Variants in MSRB3 observed in about 807,000 individuals in gnomAD.
MSRB3 encodes the protein methionine-R-sulfoxide reductase B3.
In MSRB3, 13 loss-of-function variants were observed where a neutral mutation model predicts 21.0. The ratio of observed to expected loss-of-function variants is 0.62; its 90% confidence interval spans 0.40 to 0.98. The LOEUF (loss-of-function observed/expected upper bound fraction) is 0.98. Among genes scored for constraint, MSRB3 ranks in the 50% least tolerant of loss-of-function variants. The pLI, the probability that MSRB3 is intolerant of heterozygous loss-of-function variation, is 0.00. For synonymous variants in MSRB3, 87 were observed against 88.6 expected (o/e 0.98, Z 0.10); for missense variants, 199 against 230.3 (o/e 0.86, Z 0.88).
chr12:65,360,760 C>A (rs1309984401), intron 4 of MSRB3, among the ~76,000 whole-genome samples: 1 of 152,066 alleles, frequency 6.6e-6, no homozygotes, highest in African/African-American at 2.4e-5. Context: ...ATGATTTGTC[C>A]AGGTTTCTGA....
chr12:65,300,791 T>G (rs1481245241), intron 1 of MSRB3, among the ~76,000 whole-genome samples: 1 of 152,212 alleles, frequency 6.6e-6, no homozygotes, highest in Non-Finnish European at 1.5e-5. Flanking sequence ...AGCCACCATC[T>G]AATTATAGAA....
chr12:65,421,094 G>A (rs573453586), intron 5 of MSRB3, among the ~76,000 whole-genome samples: 1 of 152,248 alleles, frequency 6.6e-6, no homozygotes, highest in South Asian at 2.1e-4. Context: ...CAGTGTATAA[G>A]CATTCCTTTT....
intron 5 of MSRB3, among the ~76,000 whole-genome samples, chr12:65,416,676 C>T (rs756110591): frequency 3.3e-5 from 5 of 152,150 alleles, no homozygotes; most frequent in East Asian, 1.9e-4. Context: ...TGCACTAAGA[C>T]GTTACAATGG....
intron 1 of MSRB3, among the ~76,000 whole-genome samples, chr12:65,294,416 A>C (rs1872833262): frequency 6.6e-6 from 1 of 152,196 alleles, no homozygotes; most frequent in African/African-American, 2.4e-5. Context: ...CGATAGCAGC[A>C]GTTTTTCAAA....
intron 5 of MSRB3, among the ~76,000 whole-genome samples, chr12:65,374,775 G>T (rs901452640): frequency 1.3e-5 from 2 of 152,114 alleles, no homozygotes; most frequent in Admixed American, 6.5e-5. Context: ...TCTATTCTTT[G>T]TTTTTGTTTA....
chr12:65,345,555 A>C (rs1876433398), intron 4 of MSRB3, among the ~76,000 whole-genome samples: 1 of 152,040 alleles, frequency 6.6e-6, no homozygotes, highest in African/African-American at 2.4e-5. Context: ...ACACGTAGGA[A>C]ATGCTAAAGT....
chr12:65,303,168 G>T (rs978840134), intron 1 of MSRB3, among the ~76,000 whole-genome samples: 4 of 151,942 alleles, frequency 2.6e-5, no homozygotes, highest in African/African-American at 9.7e-5. Context: ...TCGACCTTTA[G>T]GTTTGACACT....
chr12:65,279,082 G>C (rs991645875), intron 1 of MSRB3: 3 of 1,400,764 alleles, frequency 2.1e-6, no homozygotes, highest in Non-Finnish European at 1.8e-6. Context: ...GTCAGGGCTG[G>C]TTTCCCCCCA....
intron 5 of MSRB3, among the ~76,000 whole-genome samples, chr12:65,408,045 T>C (rs901752010): frequency 2.6e-5 from 4 of 152,154 alleles, no homozygotes; most frequent in Non-Finnish European, 5.9e-5. Context: ...TATCTGAGTC[T>C]GGTTCTGATG....
At chr12:65,324,965 T>TA (rs1414135102) in intron 2 of MSRB3, among the ~76,000 whole-genome samples, 1 of 152,164 alleles carries the variant, frequency 6.6e-6, no homozygotes, top group Non-Finnish European at 1.5e-5. Context: ...ATATTTTAAT[T>TA]ATGCCATTGA....
chr12:65,291,663 C>G (rs529589432), intron 1 of MSRB3, among the ~76,000 whole-genome samples: 2 of 152,252 alleles, frequency 1.3e-5, no homozygotes, highest in Non-Finnish European at 2.9e-5. Context: ...ACCAGAGAAA[C>G]ACAGGACCTC....
Position 65,453,748 on chromosome 12 carries a change from G to T in MSRB3, c.313G>T (p.Val105Leu). 2 of 1,614,066 alleles carry T rather than the reference G, an allele frequency of 1.2e-6. No homozygotes were observed. The highest frequency in any genetic ancestry group is 1.7e-6 in the Non-Finnish European group (2 of 1,179,990). The change falls in exon 6 of 7, where the codon GTG (valine) becomes TTG (leucine). Residue 105 changes from valine to leucine, a missense_variant. By Grantham distance (32) the Val-to-Leu change is conservative. Transcript: ENST00000308259. ...SGSGWPSFHD[V>L]INSEAITFTD... ...CCCAGGTTGGCCTTCATTCCACGATGTGATCAATTCTGAGGCAATCACATT... is the reference window on the plus strand; with the variant it reads ...CCCAGGTTGGCCTTCATTCCACGATTTGATCAATTCTGAGGCAATCACATT...
At chr12:65,351,741 C>A (rs904671896) in intron 4 of MSRB3, among the ~76,000 whole-genome samples, 15 of 151,174 alleles carry the variant, frequency 9.9e-5, no homozygotes, top group South Asian at 2.1e-4. Context: ...TCGACACATA[C>A]ACTCTCCCAA....
intron 1 of MSRB3, among the ~76,000 whole-genome samples, chr12:65,297,414 A>G (rs1015391521): frequency 3.3e-5 from 5 of 152,206 alleles, no homozygotes; most frequent in African/African-American, 4.8e-5. Context: ...CATTCTGCAT[A>G]TGAGATGGAG....
intron 6 of MSRB3, among the ~76,000 whole-genome samples, chr12:65,454,838 A>T (rs1883019605): frequency 6.6e-6 from 1 of 152,214 alleles, no homozygotes; most frequent in Non-Finnish European, 1.5e-5. Flanking sequence ...AGAGACTTGA[A>T]CTTGTGGGTA....
At chr12:65,282,861 A>G (rs1312933761) in intron 1 of MSRB3, among the ~76,000 whole-genome samples, 1 of 152,082 alleles carries the variant, frequency 6.6e-6, no homozygotes, top group Non-Finnish European at 1.5e-5. Context: ...AGTCTCTTCT[A>G]ATTCTAGAGT....
chr12:65,312,656 A>G (rs1362035639), intron 2 of MSRB3, among the ~76,000 whole-genome samples: 2 of 152,076 alleles, frequency 1.3e-5, no homozygotes, highest in African/African-American at 4.8e-5. Flanking sequence ...GCTTATAAAT[A>G]TATCATAGTT....
At chr12:65,397,909 T>C (rs975128688) in intron 5 of MSRB3, among the ~76,000 whole-genome samples, 1 of 152,190 alleles carries the variant, frequency 6.6e-6, no homozygotes, top group Non-Finnish European at 1.5e-5. Flanking sequence ...GTTTCCAGCT[T>C]CATCCATGTC....
intron 5 of MSRB3, among the ~76,000 whole-genome samples, chr12:65,410,398 A>G (rs1473500461): frequency 1.3e-5 from 2 of 152,068 alleles, no homozygotes; most frequent in South Asian, 2.1e-4. Context: ...GCTCATGCCT[A>G]TAATTCCAGC....
Sources: allele counts gnomAD v4.1 joint callset (sites outside exome capture counted in the v4.1 genomes callset), GRCh38; gene constraint gnomAD v4.1.1; transcripts MANE v1.5; gene names NCBI Gene and HGNC (gene_info 2026-07-23, HGNC 2026-07-21).